The following TENM3 variants were observed in gnomAD, a reference collection of about 807,000 sequenced individuals.
TENM3 encodes the protein teneurin-3.
A neutral mutation model predicts 255.1 loss-of-function variants in TENM3; 63 were observed. The observed-to-expected ratio is 0.25, with a 90% confidence interval of 0.20 to 0.30. The LOEUF is 0.30. Among genes scored for constraint, TENM3 ranks in the 10% least tolerant of loss-of-function variants. The pLI is 1.00. For synonymous variants in TENM3, 1,306 were observed against 1,322.3 expected, an observed-to-expected ratio of 0.99 and a Z score of 0.27; for missense variants, 2,929 against 3,461.1, an observed-to-expected ratio of 0.85 and a Z score of 3.86.
At chr4:182,070,484 G>A in the TENM3 span, among the ~76,000 whole-genome samples, 7 of 152,202 alleles carry the variant, frequency 4.6e-5, no homozygotes, top group South Asian at 1.5e-3. Flanking sequence ...GGGTGTAGCG[G>A]CACACGCCTA....
the TENM3 span, among the ~76,000 whole-genome samples, chr4:182,018,844 A>G: frequency 7.9e-4 from 121 of 152,344 alleles, no homozygotes; most frequent in African/African-American, 2.5e-3. Flanking sequence ...CTGATTCTAT[A>G]GTAACCCTGC....
At chr4:182,433,075 A>G (rs1323582977) in intron 3 of TENM3, among the ~76,000 whole-genome samples, 1 of 152,178 alleles carries the variant, frequency 6.6e-6, no homozygotes. Flanking sequence ...AGAGGAAGGT[A>G]TGATACTGCA....
Position 182,360,346 on chromosome 4 carries a change from G to A in TENM3, c.511+13417G>A, listed in dbSNP as rs573463144. Reference sequence around the variant, plus strand: ...TGTTAAAGTCTCCCATTATTAATGTGTGGGAGTCTAAGTCTCTTTGTAGGT... The same window carrying A: ...TGTTAAAGTCTCCCATTATTAATGTATGGGAGTCTAAGTCTCTTTGTAGGT... On this transcript the variant is annotated intron_variant, in intron 3 of 27. Coordinates refer to ENST00000511685, the MANE Select transcript of TENM3 (RefSeq NM_001080477.4). Among the ~76,000 whole-genome samples the A allele has an allele frequency of 2.0e-3, 265 of 132,394 alleles. 1 individual carries two copies. The highest frequency in any genetic ancestry group is 7.5e-3 in the African/African-American group (259 of 34,660). The allele number at this position is 132,394 out of a possible 152,430, so 86.9% of individuals were successfully genotyped here. A position where few individuals can be genotyped will look rare whatever the true frequency, so the allele number is the denominator to read the frequency against.
intron 3 of TENM3, among the ~76,000 whole-genome samples, chr4:182,442,760 T>TTG (rs113143926): frequency 8.7e-5 from 13 of 148,932 alleles, no homozygotes; most frequent in South Asian, 4.3e-4. Context: ...CTCGACTAAT[T>TTG]TGTGTGTGTG....
intron 2 of TENM3, among the ~76,000 whole-genome samples, chr4:182,341,431 G>A (rs1219113576): frequency 4.6e-5 from 7 of 152,012 alleles, no homozygotes; most frequent in African/African-American, 1.5e-4. Flanking sequence ...ATTTCCAAAA[G>A]TGGGATTATA....
intron 12 of TENM3, among the ~76,000 whole-genome samples, chr4:182,711,279 A>G (rs188305422): frequency 6.6e-6 from 1 of 152,362 alleles, no homozygotes; most frequent in East Asian, 1.9e-4. Context: ...CTGCTCAGCT[A>G]TTATAAAGGA....
At chr4:182,014,602 G>A in the TENM3 span, among the ~76,000 whole-genome samples, 203 of 12,744 alleles carry the variant, frequency 0.016, 1 homozygote, top group Non-Finnish European at 5.9e-3. Flanking sequence ...CTGTCTCAGC[G>A]GCACATTAGA....
intron 3 of TENM3, among the ~76,000 whole-genome samples, chr4:182,505,866 A>G (rs1333787393): frequency 6.6e-6 from 1 of 152,244 alleles, no homozygotes; most frequent in Non-Finnish European, 1.5e-5. Flanking sequence ...TTACTGAAAC[A>G]TGCCCTACAT....
the TENM3 span, among the ~76,000 whole-genome samples, chr4:181,939,051 T>G: frequency 6.6e-6 from 1 of 152,092 alleles, no homozygotes; most frequent in East Asian, 1.9e-4. Context: ...TAGGGGTTAA[T>G]AAGTAATGTA....
intron 3 of TENM3, among the ~76,000 whole-genome samples, chr4:182,487,648 C>T (rs546641527): frequency 3.9e-5 from 6 of 152,160 alleles, no homozygotes; most frequent in South Asian, 2.1e-4. Context: ...GCCCTTTTAA[C>T]GCTAAGCATG....
chr4:182,350,892 C>T (rs1428201041), intron 3 of TENM3, among the ~76,000 whole-genome samples: 1 of 152,012 alleles, frequency 6.6e-6, no homozygotes, highest in African/African-American at 2.4e-5. Flanking sequence ...ACCATGTTGG[C>T]CAGGATGGTC....
At chr4:182,190,306 A>G (rs954463345) in intron 1 of TENM3, 3 of 152,210 alleles carry the variant, frequency 2.0e-5, no homozygotes, top group Non-Finnish European at 4.4e-5. Context: ...CTGACATATA[A>G]GCAACTCAGA....
chr4:181,981,041 A>C, the TENM3 span, among the ~76,000 whole-genome samples: 1 of 151,634 alleles, frequency 6.6e-6, no homozygotes, highest in Non-Finnish European at 1.5e-5. Context: ...GGACTCCAAC[A>C]CCCCCATGCG....
chr4:181,534,920 C>A, the TENM3 span, among the ~76,000 whole-genome samples: 6 of 152,282 alleles, frequency 3.9e-5, no homozygotes, highest in South Asian at 1.0e-3. Flanking sequence ...CAGGCTCCAG[C>A]TCTTCTGGAG....
the TENM3 span, among the ~76,000 whole-genome samples, chr4:181,740,793 A>T: frequency 6.6e-6 from 1 of 152,182 alleles, no homozygotes; most frequent in Non-Finnish European, 1.5e-5. Context: ...AAGAGAATTC[A>T]GACTGGATTC....
At chr4:181,789,183 G>A in the TENM3 span, among the ~76,000 whole-genome samples, 21 of 151,826 alleles carry the variant, frequency 1.4e-4, 1 homozygote, top group South Asian at 3.8e-3. Context: ...CTGAGTGATA[G>A]GAGTGTCTTC....
At chr4:182,304,609 G>C (rs926821273) in intron 1 of TENM3, among the ~76,000 whole-genome samples, 2 of 152,136 alleles carry the variant, frequency 1.3e-5, no homozygotes, top group African/African-American at 4.8e-5. Flanking sequence ...CTGTGTACAA[G>C]ACACAAAGGC....
At chr4:182,602,816 T>G (rs534683183) in intron 4 of TENM3, among the ~76,000 whole-genome samples, 1 of 152,342 alleles carries the variant, frequency 6.6e-6, no homozygotes, top group Admixed American at 6.5e-5. Context: ...TTCACTATTG[T>G]CATTTGGAAA....
intron 1 of TENM3, among the ~76,000 whole-genome samples, chr4:182,233,943 G>A (rs1052230051): frequency 3.3e-5 from 5 of 152,118 alleles, no homozygotes; most frequent in South Asian, 2.1e-4. Context: ...TACGCCTTTC[G>A]GCTTTTCCAG....
Sources: allele counts gnomAD v4.1 joint callset (sites outside exome capture counted in the v4.1 genomes callset), GRCh38; gene constraint gnomAD v4.1.1; transcripts MANE v1.5; gene names NCBI Gene and HGNC (gene_info 2026-07-23, HGNC 2026-07-21).